RIMS2: variants seen among roughly 807,000 people sequenced by gnomAD.
RIMS2 encodes regulating synaptic membrane exocytosis protein 2.
A neutral mutation model predicts 174.4 loss-of-function variants in RIMS2; 59 were observed. The observed-to-expected ratio is 0.34, with a 90% CI of 0.27 to 0.42. The LOEUF is 0.42. RIMS2 is among the 10% of genes least tolerant of loss of function. RIMS2 has a pLI of 1.00. For missense variants in RIMS2, 1,620 were observed against 1,666.3 expected, an observed-to-expected ratio of 0.97 and a Z score of 0.48; for synonymous variants, 606 against 572.5, an observed-to-expected ratio of 1.06 and a Z score of -0.84.
intron 19 of RIMS2, among the ~76,000 whole-genome samples, chr8:104,138,832 A>C (rs972398451): frequency 6.6e-6 from 1 of 152,252 alleles, no homozygotes; most frequent in South Asian, 2.1e-4. Context: ...TACTCGAGAA[A>C]TCTTTGCCCA....
chr8:103,682,157 A>G (rs1455562789), intron 1 of RIMS2, among the ~76,000 whole-genome samples: 1 of 152,074 alleles, frequency 6.6e-6, no homozygotes, highest in East Asian at 1.9e-4. Flanking sequence ...TTAAATAGAA[A>G]TGTTAAGTAG....
intron 3 of RIMS2, among the ~76,000 whole-genome samples, chr8:103,782,392 A>G (rs542487478): frequency 5.9e-5 from 9 of 151,284 alleles, no homozygotes; most frequent in Admixed American, 1.3e-4. Flanking sequence ...TTATTACAAC[A>G]TTTTTTTGCT....
intron 19 of RIMS2, among the ~76,000 whole-genome samples, chr8:104,033,014 G>T (rs1185566822): frequency 6.6e-6 from 1 of 151,844 alleles, no homozygotes; most frequent in African/African-American, 2.4e-5. Context: ...AGGAGAATAG[G>T]ATGCTTTGAG....
chr8:104,082,619 G>T (rs1039512430), intron 19 of RIMS2, among the ~76,000 whole-genome samples: 4 of 152,024 alleles, frequency 2.6e-5, no homozygotes, highest in Admixed American at 6.6e-5. Flanking sequence ...AAAGTTGGCT[G>T]GGACAAGATT....
chr8:103,514,918 C>CA (rs58870326), intron 1 of RIMS2, among the ~76,000 whole-genome samples: 25 of 150,210 alleles, frequency 1.7e-4, no homozygotes, highest in African/African-American at 5.1e-4. Flanking sequence ...ACAACAACAA[C>CA]AAAAAAACAA....
rs1340876804 is a variant in RIMS2 at position 103,755,988 on chromosome 8, C to T, written c.388-10239C>T. 3.3e-5 allele frequency among the ~76,000 whole-genome samples: 5 copies of T among 152,140 alleles called. No homozygotes were observed. In the South Asian group the frequency reaches 8.3e-4, roughly 25 times the overall value. On this transcript the variant is annotated intron_variant, in intron 2 of 23. Transcript: ENST00000504942. Reference sequence around the variant, plus strand: ...CCATTGCTGGCGAGGGGCTGCAATCCCTTGGCGGCAAAGAGGTGCTCTGGT... The same window carrying T: ...CCATTGCTGGCGAGGGGCTGCAATCTCTTGGCGGCAAAGAGGTGCTCTGGT...
chr8:103,893,471 A>C (rs2099259062), intron 4 of RIMS2, among the ~76,000 whole-genome samples: 1 of 152,056 alleles, frequency 6.6e-6, no homozygotes, highest in Non-Finnish European at 1.5e-5. Context: ...CATGTGGGAG[A>C]TTATCCATTT....
intron 15 of RIMS2, among the ~76,000 whole-genome samples, chr8:103,972,808 C>T (rs556299077): frequency 1.3e-5 from 2 of 152,200 alleles, no homozygotes; most frequent in Non-Finnish European, 2.9e-5. Context: ...TTGCAAAATG[C>T]CCTCCTCTTC....
chr8:104,251,237 T>C, intron 23 of RIMS2, 74 bp downstream of exon 29: 1 of 1,223,488 alleles, frequency 8.2e-7, no homozygotes, highest in Non-Finnish European at 1.1e-6. Context: ...CCCAAATCTT[T>C]TCTGTTGTAT....
intron 2 of RIMS2, among the ~76,000 whole-genome samples, chr8:103,702,554 C>T (rs529724841): frequency 1.3e-5 from 2 of 152,084 alleles, no homozygotes; most frequent in Non-Finnish European, 2.9e-5. Flanking sequence ...AGTTTCAGGT[C>T]TTAGATTTAA....
intron 3 of RIMS2, among the ~76,000 whole-genome samples, chr8:103,876,909 T>TATATATATACAC (rs71297243): frequency 3.6e-4 from 24 of 66,104 alleles, no homozygotes; most frequent in African/African-American, 4.7e-4. Flanking sequence ...TATATATATA[T>TATATATATACAC]ACACACACAC....
At chr8:104,001,348 A>G (rs945562651) in intron 17 of RIMS2, among the ~76,000 whole-genome samples, 3 of 151,996 alleles carry the variant, frequency 2.0e-5, no homozygotes, top group Non-Finnish European at 4.4e-5. Flanking sequence ...ACAGTACCCC[A>G]TAAATATGTA....
At chr8:103,807,094 G>T (rs777361887) in intron 3 of RIMS2, among the ~76,000 whole-genome samples, 1 of 152,036 alleles carries the variant, frequency 6.6e-6, no homozygotes, top group Admixed American at 6.6e-5. Context: ...CTAAGTCACC[G>T]GGAAGGGGGA....
intron 19 of RIMS2, 71 bp from the exon 24 acceptor site, chr8:104,093,400 G>C: frequency 9.3e-7 from 1 of 1,080,504 alleles, no homozygotes. Flanking sequence ...TGATGAAATA[G>C]GAGAAAGCTA....
intron 1 of RIMS2, among the ~76,000 whole-genome samples, chr8:103,645,936 C>T (rs2096321074): frequency 6.6e-6 from 1 of 151,996 alleles, no homozygotes; most frequent in Non-Finnish European, 1.5e-5. Context: ...TGCAGGTGGG[C>T]TGAGTCTGAA....
intron 2 of RIMS2, among the ~76,000 whole-genome samples, chr8:103,741,844 T>C (rs899782548): frequency 6.6e-6 from 1 of 152,098 alleles, no homozygotes; most frequent in African/African-American, 2.4e-5. Flanking sequence ...GCTGGTCCTG[T>C]TGTCAAACCA....
intron 17 of RIMS2, 88 bp from the exon 20 acceptor site, chr8:104,013,354 C>A: frequency 1.9e-6 from 2 of 1,045,082 alleles, no homozygotes; most frequent in South Asian, 1.7e-5. Context: ...TAAACAATTA[C>A]CTTTTTCAAA....
At chr8:104,004,655 ATG>A (rs2095510357) in intron 17 of RIMS2, among the ~76,000 whole-genome samples, 1 of 152,204 alleles carries the variant, frequency 6.6e-6, no homozygotes, top group South Asian at 2.1e-4. Context: ...AAATATGTCC[ATG>A]TGTTCCCACA....
At chr8:103,734,011 C>CTTATTTTTTTT in intron 2 of RIMS2, among the ~76,000 whole-genome samples, 1 of 99,902 alleles carries the variant, frequency 1.0e-5, no homozygotes, top group African/African-American at 4.3e-5. Flanking sequence ...CTCCTAAAAG[C>CTTATTTTTTTT]TTCTTTTTTT....
Sources: allele counts gnomAD v4.1 joint callset (sites outside exome capture counted in the v4.1 genomes callset), GRCh38; gene constraint gnomAD v4.1.1; transcripts MANE v1.5; gene names NCBI Gene and HGNC (gene_info 2026-07-23, HGNC 2026-07-21).